PDE4D: variants seen among roughly 807,000 people sequenced by gnomAD.
The protein encoded by PDE4D is 3',5'-cyclic-AMP phosphodiesterase 4D.
In PDE4D, 24 loss-of-function variants were observed where a neutral mutation model predicts 87.4. The ratio of observed to expected loss-of-function variants is 0.27; its 90% CI spans 0.20 to 0.39. The LOEUF is 0.39. PDE4D is among the 10% of genes least tolerant of loss of function. The probability of loss-of-function intolerance (pLI) is 1.00; values close to 1 mark genes in which losing one functional copy is unlikely to be tolerated. For synonymous variants in PDE4D, 384 were observed against 383.2 expected, an observed-to-expected ratio of 1.00 and a Z score of -0.02; for missense variants, 714 against 1,041.0, an observed-to-expected ratio of 0.69 and a Z score of 4.32.
At chr5:59,822,896 G>A (rs143774098) in intron 1 of PDE4D, among the ~76,000 whole-genome samples, 23 of 152,274 alleles carry the variant, frequency 1.5e-4, no homozygotes, top group African/African-American at 5.1e-4. Context: ...TAAGCAGTAG[G>A]GATGGAAAAC....
chr5:59,131,953 C>T (rs1049172082), intron 5 of PDE4D, among the ~76,000 whole-genome samples: 1 of 152,046 alleles, frequency 6.6e-6, no homozygotes, highest in African/African-American at 2.4e-5. Context: ...TTTCTAGTCG[C>T]GTATGGCTCC....
intron 5 of PDE4D, among the ~76,000 whole-genome samples, chr5:59,145,714 A>G (rs1057085150): frequency 6.6e-6 from 1 of 152,190 alleles, no homozygotes; most frequent in South Asian, 2.1e-4. Flanking sequence ...AAAGCCGCTG[A>G]TTTCACCTAC....
At chr5:59,176,374 G>A (rs1292660743) in intron 5 of PDE4D, among the ~76,000 whole-genome samples, 1 of 152,072 alleles carries the variant, frequency 6.6e-6, no homozygotes, top group East Asian at 1.9e-4. Context: ...CTAACACAGT[G>A]AAACCCTGTC....
At chr5:60,426,196 G>T (rs561020686) in intron 1 of PDE4D, among the ~76,000 whole-genome samples, 99 of 152,228 alleles carry the variant, frequency 6.5e-4, no homozygotes, top group Non-Finnish European at 1.2e-3. Flanking sequence ...ATACCCAAAG[G>T]ATTATAAATC....
Position 59,356,644 on chromosome 5 carries a change from G to C in PDE4D, c.456-140676C>G, listed in dbSNP as rs901631759. 12 of 765,394 alleles carry C rather than the reference G, an allele frequency of 1.6e-5. No homozygotes were observed. In the Admixed American group the frequency reaches 3.9e-4, roughly 25 times the overall value. 47.4% of individuals were successfully genotyped at this position (765,394 alleles called of 1,614,324 possible). ...CTTCTTGGCTCTTATTTAATATATTGTCAATTTAACAAGCATTAGGAGTTA... is the reference window on the plus strand; with the variant it reads ...CTTCTTGGCTCTTATTTAATATATTCTCAATTTAACAAGCATTAGGAGTTA... On this transcript the variant is annotated intron_variant, in intron 1 of 14. Coordinates refer to ENST00000340635, the MANE Select transcript of PDE4D (RefSeq NM_001104631.2).
At chr5:59,205,653 A>AACACACAC (rs35509503) in intron 2 of PDE4D, among the ~76,000 whole-genome samples, 12,688 of 136,228 alleles carry the variant, frequency 0.093, 711 homozygotes, top group Non-Finnish European at 0.11. Context: ...CCACTAGCTA[A>AACACACAC]ACACACACAC....
chr5:60,157,854 TTTC>T (rs1214913482), intron 2 of PDE4D, among the ~76,000 whole-genome samples: 7 of 151,724 alleles, frequency 4.6e-5, no homozygotes, highest in Non-Finnish European at 7.4e-5. Flanking sequence ...ATTCTTTTCT[TTTC>T]TTTTTTCTTT....
At chr5:60,066,779 T>C (rs1323598862) in intron 2 of PDE4D, among the ~76,000 whole-genome samples, 1 of 152,148 alleles carries the variant, frequency 6.6e-6, no homozygotes, top group Non-Finnish European at 1.5e-5. Flanking sequence ...TGTTTCCATA[T>C]ATGCCGATGT....
chr5:59,243,031 C>A (rs1757994228), intron 1 of PDE4D, among the ~76,000 whole-genome samples: 1 of 152,148 alleles, frequency 6.6e-6, no homozygotes, highest in Non-Finnish European at 1.5e-5. Flanking sequence ...GTATTTCTTA[C>A]GTACATCACA....
chr5:59,930,960 C>T (rs1369287), intron 3 of PDE4D, among the ~76,000 whole-genome samples: 103,960 of 152,050 alleles, frequency 0.68, 37,258 homozygotes, highest in African/African-American at 0.91. Flanking sequence ...TTCAGGATTA[C>T]AGTGATTGTA....
rs575106479 is a variant in PDE4D, at chr5:59,996,865, CAGAT to C, written c.43-8152_43-8149del. Among the ~76,000 whole-genome samples the C allele has an allele frequency of 1.5e-3, 233 of 152,146 alleles. 1 individual carries two copies. The highest frequency in any genetic ancestry group is 6.6e-3 in the Admixed American group (101 of 15,290). ...CTACCTCAGGTTAACACAAAGATAACAGATAGGTTTCAAACATTCACAGAGCATA... is the reference window on the plus strand; with the variant it reads ...CTACCTCAGGTTAACACAAAGATAACAGGTTTCAAACATTCACAGAGCATA... On this transcript the variant is annotated intron_variant, in intron 2 of 16. Coordinates refer to the PDE4D transcript ENST00000502484.
At chr5:60,191,914 C>T (rs1301977010) in intron 1 of PDE4D, among the ~76,000 whole-genome samples, 10 of 151,954 alleles carry the variant, frequency 6.6e-5, no homozygotes, top group African/African-American at 1.7e-4. Flanking sequence ...GCAGGAGAAT[C>T]GCTTGAACTC....
chr5:59,757,738 CAA>C (rs1429281659), intron 1 of PDE4D, among the ~76,000 whole-genome samples: 1 of 152,100 alleles, frequency 6.6e-6, no homozygotes, highest in East Asian at 1.9e-4. Context: ...CCTTAGAGCT[CAA>C]GACTTTTTTC....
chr5:59,091,244 T>A, intron 5 of PDE4D: 1 of 402,548 alleles, frequency 2.5e-6, no homozygotes, highest in Non-Finnish European at 4.9e-6. Context: ...TCTGCTGAAG[T>A]TAAAGATATG....
At position 60,476,374 on chromosome 5, in the gene PDE4D, A is replaced by G. The variant is rs543416081; in HGVS notation, c.-90+11568T>C. 3.3e-5 allele frequency among the ~76,000 whole-genome samples: 5 copies of G among 152,238 alleles called. No homozygotes were observed. In the East Asian group the frequency reaches 9.7e-4, roughly 30 times the overall value. On this transcript the variant is annotated intron_variant, in intron 1 of 16. Transcript: ENST00000502484. Reference sequence around the variant, plus strand: ...AATGAAACACATTTTGGAGAGCTCCACAGTCTGCCATCCTCTCACAATCTC... The same window carrying G: ...AATGAAACACATTTTGGAGAGCTCCGCAGTCTGCCATCCTCTCACAATCTC...
intron 1 of PDE4D, among the ~76,000 whole-genome samples, chr5:60,227,611 G>C (rs1482185131): frequency 4.0e-5 from 5 of 124,112 alleles, no homozygotes; most frequent in Non-Finnish European, 1.7e-5. Flanking sequence ...GGGAGGGAGG[G>C]AGGAAAGGGA....
chr5:59,871,332 A>C lies in PDE4D; in HGVS notation c.455+21836T>G, dbSNP rs552908709. Among the ~76,000 whole-genome samples the C allele has an allele frequency of 4.6e-5, 7 of 152,258 alleles. No individual in the cohort carries two copies. In the South Asian group the frequency reaches 8.3e-4, roughly 18 times the overall value. On this transcript the variant is annotated intron_variant, in intron 1 of 14. Transcript: ENST00000340635. ...TAAGAAATTGATTCTGCCAACAGCCACCTGATATGGAAAAAGGAGCCAGAA... is the reference window on the plus strand; with the variant it reads ...TAAGAAATTGATTCTGCCAACAGCCCCCTGATATGGAAAAAGGAGCCAGAA...
chr5:58,991,791 T>A (rs3805555), intron 8 of PDE4D, 41 bp downstream of exon 8: 2 of 1,252,106 alleles, frequency 1.6e-6, no homozygotes, highest in South Asian at 4.4e-5. Context: ...TGAAAGGGCA[T>A]CATTTAATAT....
At chr5:60,517,300 C>A (rs537168519) in intron 1 of PDE4D, among the ~76,000 whole-genome samples, 9 of 152,306 alleles carry the variant, frequency 5.9e-5, no homozygotes, top group African/African-American at 2.2e-4. Flanking sequence ...AGCCTGGGTG[C>A]CAGTGCAGCA....
Sources: gnomAD v4.1 joint callset for allele counts (sites outside exome capture counted in the v4.1 genomes callset) on GRCh38, gnomAD v4.1.1 for gene constraint, MANE v1.5 for transcripts, NCBI Gene and HGNC (gene_info 2026-07-23, HGNC 2026-07-21) for gene names.